The following MINDY4 variants were observed in gnomAD, a reference collection of about 807,000 sequenced individuals.
The protein encoded by MINDY4 is probable ubiquitin carboxyl-terminal hydrolase MINDY-4.
A neutral mutation model predicts 87.0 loss-of-function variants in MINDY4; 68 were observed. The ratio of observed to expected loss-of-function variants is 0.78; its 90% confidence interval spans 0.64 to 0.96. The LOEUF is 0.96. Among genes scored for constraint, MINDY4 ranks in the 40% least tolerant of loss-of-function variants. The probability of loss-of-function intolerance (pLI) is 0.00; values close to 1 mark genes in which losing one functional copy is unlikely to be tolerated. For synonymous variants in MINDY4, 379 were observed against 363.2 expected (o/e 1.04, Z -0.50); for missense variants, 919 against 928.2 (o/e 0.99, Z 0.13).
rs200226382 is a variant in MINDY4 at position 30,875,528 on chromosome 7, G to T, written c.1843G>T (p.Val615Leu). ...LVNLLLTGKA[V>L]SNVFNDVVEL... is the part of the protein sequence containing the mutation. Reference sequence around the variant, plus strand: ...CAATCTGCTCCTGACTGGGAAAGCTGTGTCCAACGTTTTCAACGATGTGGT... The same window carrying T: ...CAATCTGCTCCTGACTGGGAAAGCTTTGTCCAACGTTTTCAACGATGTGGT... Residue 615 changes from valine to leucine, a missense_variant, in exon 15 of 18, where the codon GTG becomes TTG. By Grantham distance (32) the Val-to-Leu change is conservative (BLOSUM62 1). Transcript: ENST00000265299. The T allele has an allele frequency of 1.9e-6, 3 of 1,614,138 alleles. No homozygotes were observed. The South Asian group carries it at 3.3e-5, about 18-fold the overall frequency.
chr7:30,827,361 T>C (rs1295648139), intron 5 of MINDY4, among the ~76,000 whole-genome samples: 1 of 152,136 alleles, frequency 6.6e-6, no homozygotes, highest in Non-Finnish European at 1.5e-5. Context: ...CTCAGCCCTT[T>C]GTTGCAGAGC....
intron 17 of MINDY4, among the ~76,000 whole-genome samples, chr7:30,885,654 GA>G (rs1790609067): frequency 6.6e-6 from 1 of 152,134 alleles, no homozygotes; most frequent in African/African-American, 2.4e-5. Flanking sequence ...CAGTGATGCT[GA>G]TGCTGCTGGT....
intron 9 of MINDY4, among the ~76,000 whole-genome samples, chr7:30,846,765 T>C (rs1463000228): frequency 1.5e-5 from 2 of 130,122 alleles, no homozygotes; most frequent in Admixed American, 8.4e-5. Flanking sequence ...GGACTGGAGG[T>C]GGGGGTGGGA....
intron 5 of MINDY4, among the ~76,000 whole-genome samples, chr7:30,808,523 G>T (rs1787886461): frequency 6.6e-6 from 1 of 152,094 alleles, no homozygotes; most frequent in African/African-American, 2.4e-5. Flanking sequence ...GTGGTGTTTT[G>T]TCTTGAAGAA....
At chr7:30,818,590 G>A (rs969104389) in intron 5 of MINDY4, among the ~76,000 whole-genome samples, 1 of 152,220 alleles carries the variant, frequency 6.6e-6, no homozygotes, top group African/African-American at 2.4e-5. Context: ...GACTTTTAGT[G>A]TGTCAGTGAG....
chr7:30,771,662 A>G (rs765936387), intron 1 of MINDY4, 106 bp downstream of exon 1: 49 of 1,061,506 alleles, frequency 4.6e-5, no homozygotes, highest in Non-Finnish European at 6.3e-5. Context: ...CCCGTTCCCT[A>G]CCTACTGCCT....
In MINDY4 at chr7:30,771,444, T is replaced by G. The variant is rs772852915; in HGVS notation, c.-50T>G. 24 of 1,573,092 alleles carry G rather than the reference T, an allele frequency of 1.5e-5. No homozygotes were observed. The highest frequency in any genetic ancestry group is 1.3e-4 in the South Asian group (11 of 85,618). On this transcript the variant is annotated 5_prime_UTR_variant, in exon 1 of 18. Coordinates refer to ENST00000265299, the MANE Select transcript of MINDY4 (RefSeq NM_032222.3). Reference sequence around the variant, plus strand: ...ACTGCGCCGGACAGACCCAGTTGCCTGGTGCTGCGGCCCGGCGTGGGCCTC... The same window carrying G: ...ACTGCGCCGGACAGACCCAGTTGCCGGGTGCTGCGGCCCGGCGTGGGCCTC...
In MINDY4 at chr7:30,809,377, A is replaced by G. The variant is rs1027681865; in HGVS notation, c.1073+17803A>G. 2.5e-4 allele frequency among the ~76,000 whole-genome samples: 15 copies of G among 59,728 alleles called. 1 individual carries two copies. Among genetic ancestry groups the G allele is most frequent in the South Asian group, 9.7e-4 (2 of 2,052 alleles). 39.2% of individuals were successfully genotyped at this position (59,728 alleles called of 152,430 possible). A position where few individuals can be genotyped will look rare whatever the true frequency, so the allele number is the denominator to read the frequency against. ...TCACCAGTTCAGAAGTATCCTAAGG[A>G]AAAAAAAAAAAAAAAAAAAGGATGA... On this transcript the variant is annotated intron_variant, in intron 5 of 17. Coordinates refer to ENST00000265299, the MANE Select transcript of MINDY4 (RefSeq NM_032222.3).
chr7:30,879,985 A>G (rs1221202556), intron 15 of MINDY4, among the ~76,000 whole-genome samples: 3 of 152,248 alleles, frequency 2.0e-5, no homozygotes. Context: ...ACTGAAGTGC[A>G]GTGGAAATGT....
chr7:30,778,748 C>T (rs756760402), intron 2 of MINDY4, among the ~76,000 whole-genome samples, 197 bp downstream of exon 2: 2 of 152,296 alleles, frequency 1.3e-5, no homozygotes, highest in South Asian at 2.1e-4. Context: ...CAGCTGGTGC[C>T]GCCCATTGGC....
intron 9 of MINDY4, among the ~76,000 whole-genome samples, chr7:30,841,748 A>C (rs1789047272): frequency 6.6e-6 from 1 of 152,216 alleles, no homozygotes; most frequent in South Asian, 2.1e-4. Flanking sequence ...GTCTAGATTA[A>C]GAAAAAATAT....
At chr7:30,780,593 C>A (rs948705682) in intron 2 of MINDY4, 1 of 152,186 alleles carries the variant, frequency 6.6e-6, no homozygotes, top group African/African-American at 2.4e-5. Flanking sequence ...TTTTGACATT[C>A]ATTCAGCACA....
At chr7:30,788,718 C>G (rs913368618) in intron 4 of MINDY4, among the ~76,000 whole-genome samples, 1 of 152,166 alleles carries the variant, frequency 6.6e-6, no homozygotes, top group African/African-American at 2.4e-5. Flanking sequence ...GTTTGTCTGT[C>G]AGTGGTTCCA....
At chr7:30,819,194 C>T (rs1788249467) in intron 5 of MINDY4, among the ~76,000 whole-genome samples, 1 of 152,122 alleles carries the variant, frequency 6.6e-6, no homozygotes, top group Non-Finnish European at 1.5e-5. Context: ...ATACACTGCC[C>T]TCTCCATATT....
At chr7:30,811,817 T>G (rs933505415) in intron 5 of MINDY4, among the ~76,000 whole-genome samples, 4 of 152,158 alleles carry the variant, frequency 2.6e-5, no homozygotes, top group African/African-American at 9.7e-5. Context: ...GACCCTCTCA[T>G]GCGGACTCCC....
chr7:30,778,217 T>C (rs1199582904), intron 1 of MINDY4, among the ~76,000 whole-genome samples: 1 of 152,224 alleles, frequency 6.6e-6, no homozygotes, highest in Non-Finnish European at 1.5e-5. Flanking sequence ...AACTCACTCC[T>C]TATCTGCGAA....
intron 17 of MINDY4, among the ~76,000 whole-genome samples, chr7:30,890,343 T>C (rs1286544444): frequency 1.3e-5 from 2 of 152,216 alleles, no homozygotes; most frequent in Non-Finnish European, 2.9e-5. Context: ...CATCCTTACA[T>C]TCCCCGATGG....
chr7:30,880,118 A>G (rs1055056867), intron 15 of MINDY4, among the ~76,000 whole-genome samples: 6 of 152,210 alleles, frequency 3.9e-5, no homozygotes, highest in African/African-American at 1.2e-4. Flanking sequence ...ATGCCACACC[A>G]TAACTCTACG....
chr7:30,802,117 T>C (rs955783477), intron 5 of MINDY4, among the ~76,000 whole-genome samples: 1 of 152,126 alleles, frequency 6.6e-6, no homozygotes, highest in Non-Finnish European at 1.5e-5. Flanking sequence ...TTTCCTGTAT[T>C]CCTTTTTTTC....
Sources: gnomAD v4.1 joint callset for allele counts (sites outside exome capture counted in the v4.1 genomes callset) on GRCh38, gnomAD v4.1.1 for gene constraint, MANE v1.5 for transcripts, NCBI Gene and HGNC (gene_info 2026-07-23, HGNC 2026-07-21) for gene names.